Variants in CCDC30 observed in about 807,000 individuals in gnomAD.
CCDC30 encodes the protein coiled-coil domain-containing protein 30.
Under a neutral mutation model 100.2 loss-of-function variants are expected in CCDC30, and 70 were observed. The observed-to-expected ratio is 0.70, with a 90% confidence interval of 0.58 to 0.85. The LOEUF (loss-of-function observed/expected upper bound fraction) is 0.85. Ranked by LOEUF, CCDC30 falls within the 40% of genes least tolerant of loss-of-function variation. CCDC30 has a pLI of 0.00. For missense variants in CCDC30, 652 were observed against 771.2 expected, an observed-to-expected ratio of 0.85 and a Z score of 1.83; for synonymous variants, 233 against 269.5, an observed-to-expected ratio of 0.86 and a Z score of 1.33.
At chr1:42,595,143 TA>T (rs1646260213) in intron 10 of CCDC30, 1 of 152,214 alleles carries the variant, frequency 6.6e-6, no homozygotes, top group African/African-American at 2.4e-5. Flanking sequence ...TCAGAAGCAA[TA>T]TTTTTTTTTA....
intron 1 of CCDC30, among the ~76,000 whole-genome samples, chr1:42,476,111 C>A (rs901648725): frequency 6.6e-6 from 1 of 152,142 alleles, no homozygotes; most frequent in Non-Finnish European, 1.5e-5. Context: ...TTAACAAGGT[C>A]TGTAAAGAAT....
intron 6 of CCDC30, among the ~76,000 whole-genome samples, chr1:42,504,288 G>A (rs2148483550): frequency 6.6e-6 from 1 of 152,312 alleles, no homozygotes; most frequent in East Asian, 1.9e-4. Flanking sequence ...TGGGCATTAT[G>A]GCCATGATGA....
chr1:42,507,203 A>G (rs191927457), intron 6 of CCDC30, among the ~76,000 whole-genome samples: 75 of 152,352 alleles, frequency 4.9e-4, no homozygotes, highest in African/African-American at 1.7e-3. Flanking sequence ...CTGGGATTAC[A>G]GACATGAGCC....
chr1:42,655,415 C>T (rs1211812855), downstream of CCDC30, among the ~76,000 whole-genome samples: 2 of 151,920 alleles, frequency 1.3e-5, no homozygotes, highest in African/African-American at 2.4e-5. Context: ...TGTGGTAGTG[C>T]GCGCGCCTGT....
chr1:42,509,997 G>A (rs1300118020), intron 6 of CCDC30: 3 of 918,968 alleles, frequency 3.3e-6, no homozygotes, highest in Non-Finnish European at 3.9e-6. Flanking sequence ...TTCCCAGTTT[G>A]GAGGAACATT....
chr1:42,606,878 C>T (rs964825608), intron 10 of CCDC30, among the ~76,000 whole-genome samples: 2 of 152,026 alleles, frequency 1.3e-5, no homozygotes, highest in African/African-American at 4.8e-5. Context: ...CCATGAGGAC[C>T]GTTATAAAAA....
intron 1 of CCDC30, chr1:42,473,605 T>G (rs1218405272): frequency 3.7e-6 from 1 of 273,238 alleles, no homozygotes; most frequent in Non-Finnish European, 6.8e-6. Flanking sequence ...TCTAGGTGAC[T>G]CTTTTTTTTG....
chr1:42,462,900 C>T (rs1410908225), upstream of CCDC30, among the ~76,000 whole-genome samples: 2 of 152,118 alleles, frequency 1.3e-5, no homozygotes, highest in African/African-American at 4.8e-5. Flanking sequence ...CGATCTAGGC[C>T]TAAAATTCAG....
chr1:42,470,795 C>T (rs1052460832), intron 1 of CCDC30, among the ~76,000 whole-genome samples: 1 of 152,066 alleles, frequency 6.6e-6, no homozygotes, highest in Non-Finnish European at 1.5e-5. Context: ...TTCCCAGGGC[C>T]TGGGGGTGAG....
At chr1:42,530,927 T>C (rs1481865965) in intron 6 of CCDC30, among the ~76,000 whole-genome samples, 1 of 152,176 alleles carries the variant, frequency 6.6e-6, no homozygotes, top group Non-Finnish European at 1.5e-5. Context: ...GAACATATCT[T>C]CCAAAGATTA....
At chr1:42,472,578 A>C (rs1297809591) in intron 1 of CCDC30, among the ~76,000 whole-genome samples, 2 of 152,208 alleles carry the variant, frequency 1.3e-5, no homozygotes, top group East Asian at 1.9e-4. Flanking sequence ...TGGACTTTAA[A>C]AAAGAAACAA....
At chr1:42,557,486 A>G (rs1480897425) in intron 6 of CCDC30, among the ~76,000 whole-genome samples, 1 of 152,052 alleles carries the variant, frequency 6.6e-6, no homozygotes. Context: ...AAAGATTATC[A>G]AATATTTTCT....
At chr1:42,646,415 G>C in intron 15 of CCDC30, 98 bp downstream of exon 19, 3 of 1,270,816 alleles carry the variant, frequency 2.4e-6, no homozygotes. Context: ...TTCTACACTG[G>C]AAAAAGTAAA....
At chr1:42,620,063 A>G (rs6673634) in intron 11 of CCDC30, among the ~76,000 whole-genome samples, 2,638 of 152,284 alleles carry the variant, frequency 0.017, 71 homozygotes, top group African/African-American at 0.06. Context: ...AGAAATCAGG[A>G]ATATCTGTTT....
At chr1:42,657,184 T>C (rs950697515), downstream of CCDC30, among the ~76,000 whole-genome samples, 8 of 152,260 alleles carry the variant, frequency 5.3e-5, no homozygotes, top group Non-Finnish European at 1.0e-4. Context: ...CATGCTGTTA[T>C]ATTGAATGAG....
At chr1:42,654,728 T>G (rs1648606968), downstream of CCDC30, 1 of 150,256 alleles carries the variant, frequency 6.7e-6, no homozygotes, top group South Asian at 2.1e-4. Flanking sequence ...TTTTTTTTTT[T>G]GAGACGGAGT....
At chr1:42,528,226 T>C (rs542248680) in intron 6 of CCDC30, among the ~76,000 whole-genome samples, 11 of 152,320 alleles carry the variant, frequency 7.2e-5, no homozygotes, top group African/African-American at 2.6e-4. Flanking sequence ...ATAGAATAGG[T>C]GTGCTAGCTC....
chr1:42,604,845 C>T (rs1440857656), intron 10 of CCDC30, among the ~76,000 whole-genome samples: 2 of 152,064 alleles, frequency 1.3e-5, no homozygotes, highest in Non-Finnish European at 2.9e-5. Context: ...GTGAGCTGAC[C>T]CAGGCCTAGG....
chr1:42,609,864 C>T (rs1206641563), intron 10 of CCDC30, among the ~76,000 whole-genome samples: 1 of 152,154 alleles, frequency 6.6e-6, no homozygotes, highest in Non-Finnish European at 1.5e-5. Flanking sequence ...CCACGCATTC[C>T]CAAAGCCTGT....
Sources: allele counts gnomAD v4.1 joint callset (sites outside exome capture counted in the v4.1 genomes callset), GRCh38; gene constraint gnomAD v4.1.1; transcripts MANE v1.5; gene names NCBI Gene and HGNC (gene_info 2026-07-23, HGNC 2026-07-21).